Variants in ATP9B observed in about 807,000 individuals in gnomAD.
ATP9B encodes the protein probable phospholipid-transporting ATPase IIB.
In ATP9B, 110 loss-of-function variants were observed where a neutral mutation model predicts 146.1. The ratio of observed to expected loss-of-function variants is 0.75; its 90% CI spans 0.65 to 0.88. ATP9B has a LOEUF of 0.88. ATP9B is among the 40% of genes least tolerant of loss of function. The pLI is 0.00. For synonymous variants in ATP9B, 604 were observed against 569.7 expected, an observed-to-expected ratio of 1.06 and a Z score of -0.86; for missense variants, 1,499 against 1,496.4, an observed-to-expected ratio of 1.00 and a Z score of -0.03.
At chr18:79,232,110 G>A (rs922998829) in intron 11 of ATP9B, among the ~76,000 whole-genome samples, 6 of 152,018 alleles carry the variant, frequency 3.9e-5, no homozygotes, top group African/African-American at 1.5e-4. Context: ...TTGCTCAGGG[G>A]AAAAGACCTT....
intron 15 of ATP9B, among the ~76,000 whole-genome samples, chr18:79,323,171 C>T (rs1249472560): frequency 6.7e-6 from 1 of 149,256 alleles, no homozygotes; most frequent in African/African-American, 2.5e-5. Context: ...AGTAATCCTC[C>T]GTTTATCGTT....
intron 2 of ATP9B, among the ~76,000 whole-genome samples, chr18:79,103,958 A>G (rs1298266693): frequency 1.3e-5 from 2 of 152,132 alleles, no homozygotes; most frequent in Non-Finnish European, 2.9e-5. Flanking sequence ...CTTCTTAAAG[A>G]AGATGGGTGT....
At chr18:79,234,654 CG>C (rs1568460813) in intron 11 of ATP9B, among the ~76,000 whole-genome samples, 6 of 145,912 alleles carry the variant, frequency 4.1e-5, no homozygotes, top group African/African-American at 1.0e-4. Context: ...GGGCGTGCTT[CG>C]TGTGGGTGTG....
intron 12 of ATP9B, among the ~76,000 whole-genome samples, chr18:79,261,310 AAG>A (rs2096139001): frequency 6.6e-6 from 1 of 152,158 alleles, no homozygotes; most frequent in African/African-American, 2.4e-5. Flanking sequence ...TACTTGAGAA[AAG>A]AGTCTTTGCA....
At chr18:79,303,145 A>G (rs2096602223) in intron 13 of ATP9B, among the ~76,000 whole-genome samples, 1 of 152,198 alleles carries the variant, frequency 6.6e-6, no homozygotes, top group African/African-American at 2.4e-5. Context: ...GGAGGCCAAG[A>G]CAGAAGGATC....
intron 17 of ATP9B, among the ~76,000 whole-genome samples, chr18:79,333,972 C>T (rs2096805529): frequency 6.6e-6 from 1 of 152,164 alleles, no homozygotes; most frequent in Non-Finnish European, 1.5e-5. Context: ...TCTTAAGCAG[C>T]GAATCTTTCG....
At chr18:79,344,804 A>G (rs778196363) in intron 21 of ATP9B, among the ~76,000 whole-genome samples, 1 of 152,214 alleles carries the variant, frequency 6.6e-6, no homozygotes, top group Non-Finnish European at 1.5e-5. Context: ...AGGAGCGACA[A>G]GAGCCTGTCC....
intron 12 of ATP9B, among the ~76,000 whole-genome samples, chr18:79,259,779 AG>A (rs903096705): frequency 4.2e-4 from 64 of 152,356 alleles, no homozygotes; most frequent in African/African-American, 1.5e-3. Flanking sequence ...ACTTTTCTGA[AG>A]GAAAACTTTT....
At chr18:79,286,992 T>G (rs1298723127) in intron 13 of ATP9B, among the ~76,000 whole-genome samples, 1 of 152,140 alleles carries the variant, frequency 6.6e-6, no homozygotes, top group Non-Finnish European at 1.5e-5. Context: ...TGGATAAGCT[T>G]TTTGATGTGC....
At chr18:79,361,995 GAGTA>G (rs1266315243) in intron 26 of ATP9B, 1 of 163,054 alleles carries the variant, frequency 6.1e-6, no homozygotes, top group Non-Finnish European at 1.3e-5. Flanking sequence ...CCTGCAGTGT[GAGTA>G]ACAACAGCAT....
rs149569302 is a variant in ATP9B at position 79,082,677 on chromosome 18, G to T, written c.119+13148G>T. Among the ~76,000 whole-genome samples the T allele has an allele frequency of 5.3e-5, 8 of 152,328 alleles. No individual in the cohort carries two copies. In the East Asian group the frequency reaches 1.5e-3, roughly 29 times the overall value. Reference sequence around the variant, plus strand: ...AGTCAGGCACGTCTGTTGCAGGTCTGCTGGAGTTTGCTGGAGATCCACTCC... The same window carrying T: ...AGTCAGGCACGTCTGTTGCAGGTCTTCTGGAGTTTGCTGGAGATCCACTCC... On this transcript the variant is annotated intron_variant, in intron 1 of 29. Transcript: ENST00000426216.
intron 1 of ATP9B, among the ~76,000 whole-genome samples, chr18:79,083,041 A>G (rs922661082): frequency 6.6e-6 from 1 of 152,194 alleles, no homozygotes; most frequent in Non-Finnish European, 1.5e-5. Context: ...TCACAGGAAG[A>G]TGGGAGTTTT....
intron 13 of ATP9B, among the ~76,000 whole-genome samples, chr18:79,296,206 G>A (rs1206854601): frequency 1.3e-5 from 2 of 152,148 alleles, no homozygotes; most frequent in Non-Finnish European, 2.9e-5. Context: ...GATAGAGATC[G>A]AGTCTCACCG....
chr18:79,376,157 C>T (rs1404343281), intron 29 of ATP9B: 11 of 963,112 alleles, frequency 1.1e-5, no homozygotes, highest in Non-Finnish European at 1.3e-5. Flanking sequence ...CTCATAAAGT[C>T]AGCTCTACCT....
chr18:79,332,373 G>A (rs965238103), intron 17 of ATP9B, among the ~76,000 whole-genome samples: 10 of 152,358 alleles, frequency 6.6e-5, no homozygotes, highest in Middle Eastern at 3.4e-3. Context: ...AGCTTGCAGT[G>A]AGCCAAGATC....
chr18:79,210,248 T>TA (rs2095571702), intron 10 of ATP9B, among the ~76,000 whole-genome samples: 1 of 151,916 alleles, frequency 6.6e-6, no homozygotes, highest in Admixed American at 6.6e-5. Flanking sequence ...TACAAAGGAG[T>TA]GTTCCTGATA....
At chr18:79,129,862 G>C (rs1316307428) in intron 5 of ATP9B, among the ~76,000 whole-genome samples, 1 of 151,998 alleles carries the variant, frequency 6.6e-6, no homozygotes, top group Non-Finnish European at 1.5e-5. Context: ...TTTTGCCTCA[G>C]CCTCCTGAGT....
intron 10 of ATP9B, 76 bp from the exon 11 acceptor site, chr18:79,213,886 A>G: frequency 9.2e-7 from 1 of 1,092,528 alleles, no homozygotes; most frequent in South Asian, 1.6e-5. Context: ...TTTCCATCAA[A>G]ACAATTAATT....
Position 79,345,816 on chromosome 18 carries a change from T to G in ATP9B, c.2659T>G (p.Cys887Gly). ...NDVSMIQAADCGIGIEGKEGK... is the reference protein window; with the variant it reads ...NDVSMIQAADGGIGIEGKEGK... ...TGTCAGCATGATTCAGGCAGCAGACTGTGGGATTGGGATTGAGGGAAAGGT... is the reference window on the plus strand; with the variant it reads ...TGTCAGCATGATTCAGGCAGCAGACGGTGGGATTGGGATTGAGGGAAAGGT... The change falls in exon 23 of 30, where the codon TGT (cysteine) becomes GGT (glycine). Residue 887 changes from cysteine to glycine, a missense_variant. Coordinates refer to ENST00000426216, the MANE Select transcript of ATP9B (RefSeq NM_198531.5). 1 of 1,614,254 alleles carries G rather than the reference T, an allele frequency of 6.2e-7. No homozygotes were observed.
Sources: gnomAD v4.1 joint callset for allele counts (sites outside exome capture counted in the v4.1 genomes callset) on GRCh38, gnomAD v4.1.1 for gene constraint, MANE v1.5 for transcripts, NCBI Gene and HGNC (gene_info 2026-07-23, HGNC 2026-07-21) for gene names.